Variants in KIF21B observed in about 807,000 individuals in gnomAD.
KIF21B encodes the protein kinesin-like protein KIF21B.
KIF21B carries 85 observed loss-of-function variants against 192.9 expected under a neutral mutation model. The observed-to-expected ratio is 0.44, with a 90% confidence interval of 0.37 to 0.53. KIF21B has a LOEUF of 0.53. Among genes scored for constraint, KIF21B ranks in the 20% least tolerant of loss-of-function variants. The probability of loss-of-function intolerance (pLI) is 0.00; values close to 1 mark genes in which losing one functional copy is unlikely to be tolerated. For synonymous variants in KIF21B, 832 were observed against 884.6 expected (o/e 0.94, Z 1.05); for missense variants, 1,716 against 2,194.8 (o/e 0.78, Z 4.36).
chr1:200,979,918 G>C (rs1404819384), intron 29 of KIF21B, among the ~76,000 whole-genome samples: 1 of 152,212 alleles, frequency 6.6e-6, no homozygotes, highest in African/African-American at 2.4e-5. Flanking sequence ...TCAGGGAAGA[G>C]AGAATTCCCT....
At position 201,017,558 on chromosome 1, in the gene KIF21B, G is replaced by A. The variant is rs920538678; in HGVS notation, c.41+5785C>T. Among the ~76,000 whole-genome samples the A allele has an allele frequency of 3.9e-5, 6 of 152,246 alleles. No individual in the cohort carries two copies. Among genetic ancestry groups the A allele is most frequent in the African/African-American group, 7.2e-5 (3 of 41,458 alleles). ...TTCGCCCAGAGCCCAGAGCTGTGAC[G>A]GTATTGGCATCTGCATCTGGTGGGG... is the stretch of plus-strand genomic sequence containing the variant. On this transcript the variant is annotated intron_variant, in intron 1 of 34. Coordinates refer to ENST00000461742, the MANE Select transcript of KIF21B (RefSeq NM_001252102.2). This position sits in a 1 kb window ranked among gnomAD's most constrained non-coding sequence, Gnocchi z 4.1.
chr1:201,003,933 G>A, intron 7 of KIF21B, 152 bp from the exon 8 acceptor site: 1 of 773,276 alleles, frequency 1.3e-6, no homozygotes, highest in South Asian at 1.7e-5. Context: ...GGGATGTGGG[G>A]AGCTGGACCA....
intron 15 of KIF21B, among the ~76,000 whole-genome samples, chr1:200,994,447 G>A (rs1011009738): frequency 6.6e-5 from 10 of 152,150 alleles, no homozygotes; most frequent in Non-Finnish European, 1.5e-4. Flanking sequence ...GGCCCCTCCT[G>A]GGATGACCCA....
In KIF21B at chr1:201,013,096, C is replaced by T. The variant is rs188779078; in HGVS notation, c.42-3608G>A. 4.6e-5 allele frequency among the ~76,000 whole-genome samples: 7 copies of T among 152,332 alleles called. No homozygotes were observed. The East Asian group carries it at 5.8e-4, about 13-fold the overall frequency. On this transcript the variant is annotated intron_variant, in intron 1 of 34. Transcript: ENST00000461742. ...CTGCCTTTGAGGGCTCACAGTTTGG[C>T]GGTGGCAGACACTGTCTCAGTCATC...
chr1:201,014,674 A>C (rs942495747), intron 1 of KIF21B, among the ~76,000 whole-genome samples: 1 of 152,172 alleles, frequency 6.6e-6, no homozygotes, highest in Non-Finnish European at 1.5e-5. Flanking sequence ...TTGGACTCCT[A>C]GGGGTTGGCT....
At chr1:200,995,356 T>A (rs1656984333) in intron 15 of KIF21B, among the ~76,000 whole-genome samples, 1 of 152,164 alleles carries the variant, frequency 6.6e-6, no homozygotes, top group South Asian at 2.1e-4. Context: ...TGGGCTCCAC[T>A]GAGGGCTGAG....
Position 201,003,643 on chromosome 1 carries a change from G to C in KIF21B, c.1155C>G (p.Ile385Met), listed in dbSNP as rs767835185. ...VVNQDKTSQQ[I>M]SALRAEIARL... Reference sequence around the variant, plus strand: ...GAGCAATCTCAGCCCGCAGTGCACTGATTTGCTGGCTGGTCTTGTCCTGGT... The same window carrying C: ...GAGCAATCTCAGCCCGCAGTGCACTCATTTGCTGGCTGGTCTTGTCCTGGT... Residue 385 changes from isoleucine to methionine, a missense_variant, in exon 8 of 35, where the codon ATC (isoleucine) becomes ATG (methionine). This residue lies in a region of KIF21B where 1,087 missense variants were observed against 1,316.6 expected (regional missense o/e 0.83). Coordinates refer to ENST00000461742, the MANE Select transcript of KIF21B (RefSeq NM_001252102.2). 2 of 1,614,222 alleles carry C rather than the reference G, an allele frequency of 1.2e-6. No homozygotes were observed. Among genetic ancestry groups the C allele is most frequent in the Non-Finnish European group, 1.7e-6 (2 of 1,180,036 alleles).
At chr1:200,988,237 A>C in intron 24 of KIF21B, 59 bp downstream of exon 24, 1 of 1,473,916 alleles carries the variant, frequency 6.8e-7, no homozygotes, top group Non-Finnish European at 9.5e-7. Flanking sequence ...TAAGCGGTGA[A>C]CAGGCTGTGT....
chr1:201,004,295 T>A, intron 7 of KIF21B, 45 bp downstream of exon 7: 1 of 1,480,584 alleles, frequency 6.8e-7, no homozygotes. Flanking sequence ...TCCAGGAACC[T>A]CCCTGCCTCC....
intron 3 of KIF21B, among the ~76,000 whole-genome samples, chr1:201,005,919 C>A (rs1657793239): frequency 6.6e-6 from 1 of 152,298 alleles, no homozygotes; most frequent in East Asian, 1.9e-4. Flanking sequence ...CCCTAAGGAA[C>A]CAGCAGCCAG....
intron 17 of KIF21B, 32 bp downstream of exon 17, chr1:200,991,625 C>G (rs1341759173): frequency 6.2e-7 from 1 of 1,605,642 alleles, no homozygotes; most frequent in South Asian, 1.1e-5. Flanking sequence ...GCAGCAGGGC[C>G]AGGGCCTCGC....
chr1:200,980,366 C>T (rs576909845), intron 29 of KIF21B, among the ~76,000 whole-genome samples: 41 of 152,330 alleles, frequency 2.7e-4, no homozygotes, highest in Middle Eastern at 3.4e-3. Context: ...ACGATCCTCC[C>T]ACCTCAGCCT....
At chr1:201,013,643 C>T (rs1255137139) in intron 1 of KIF21B, among the ~76,000 whole-genome samples, 1 of 152,172 alleles carries the variant, frequency 6.6e-6, no homozygotes, top group Non-Finnish European at 1.5e-5. Flanking sequence ...CAGGCATGAG[C>T]CACTGCATGT....
chr1:200,992,395 A>T lies in KIF21B; in HGVS notation c.2278-6T>A. 1 of 1,612,028 alleles carries T rather than the reference A, an allele frequency of 6.2e-7. No homozygotes were observed. Among genetic ancestry groups the T allele is most frequent in the Non-Finnish European group, 8.5e-7 (1 of 1,179,924 alleles). ...ATCTGCTTCATCAGGGCCACCTGGG[A>T]TGGGCAGAGATTATGGTGGTGAGAC... On this transcript the variant is annotated splice_region_variant and splice_polypyrimidine_tract_variant and intron_variant, in intron 15 of 34. Transcript: ENST00000461742.
At chr1:200,992,224 A>G (rs1656745310) in intron 16 of KIF21B, 58 bp downstream of exon 16, 1 of 1,510,136 alleles carries the variant, frequency 6.6e-7, no homozygotes, top group African/African-American at 1.4e-5. Flanking sequence ...CAGGTGCACC[A>G]GGAGGCTGGG....
In KIF21B at chr1:201,015,038, G is replaced by A. The variant is rs149830897; in HGVS notation, c.42-5550C>T. ...CTGCCTCTCATAGACACTATCTAGG[G>A]TGCTTTGCACATGTTAGGTCATTAC... On this transcript the variant is annotated intron_variant, in intron 1 of 34. Coordinates refer to ENST00000461742, the MANE Select transcript of KIF21B (RefSeq NM_001252102.2). Among the ~76,000 whole-genome samples the A allele has an allele frequency of 7.0e-3, 1,061 of 152,236 alleles. 18 individuals are homozygous for A. The highest frequency in any genetic ancestry group is 0.025 in the African/African-American group (1,021 of 41,504).
chr1:200,974,263 G>C, intron 34 of KIF21B: 111 of 1,413,812 alleles, frequency 7.9e-5, no homozygotes, highest in Non-Finnish European at 9.4e-5. Flanking sequence ...GGGAGAGAAG[G>C]GACAAAGTCG....
In KIF21B at chr1:200,985,055, G is replaced by T. The variant is rs899456145; in HGVS notation, c.3690-83C>A. 15 of 878,310 alleles carry T rather than the reference G, an allele frequency of 1.7e-5. No individual in the cohort carries two copies. The African/African-American group carries it at 2.4e-4, about 14-fold the overall frequency. 54.4% of individuals were successfully genotyped at this position (878,310 alleles called of 1,614,324 possible). ...ACTTGGTGCTGGGCTTCCACCTTCT[G>T]CCTTGTGAGGCCCGCAGGACAGGGT... On this transcript the variant is annotated intron_variant, in intron 26 of 34. Transcript: ENST00000461742.
At chr1:200,992,519 C>A in intron 15 of KIF21B, 130 bp from the exon 16 acceptor site, 1 of 921,928 alleles carries the variant, frequency 1.1e-6, no homozygotes, top group East Asian at 2.5e-5. Flanking sequence ...GGCTCAGGGC[C>A]TGGGGGTCTG....
Sources: allele counts gnomAD v4.1 joint callset (sites outside exome capture counted in the v4.1 genomes callset), GRCh38; gene constraint gnomAD v4.1.1; regional missense constraint gnomAD v4.1.1; non-coding constraint Gnocchi (gnomAD v3.1); transcripts MANE v1.5; gene names NCBI Gene and HGNC (gene_info 2026-07-23, HGNC 2026-07-21).